PDGFD: variants seen among roughly 807,000 people sequenced by gnomAD.
PDGFD encodes platelet-derived growth factor D.
Under a neutral mutation model 44.7 loss-of-function variants are expected in PDGFD, and 30 were observed. The ratio of observed to expected loss-of-function variants is 0.67; its 90% CI spans 0.50 to 0.91. The LOEUF (loss-of-function observed/expected upper bound fraction) is 0.91. Among genes scored for constraint, PDGFD ranks in the 40% least tolerant of loss-of-function variants. PDGFD has a pLI of 0.00. For synonymous variants in PDGFD, 173 were observed against 168.4 expected (o/e 1.03, Z -0.21); for missense variants, 445 against 457.8 (o/e 0.97, Z 0.25).
intron 5 of PDGFD, among the ~76,000 whole-genome samples, chr11:103,940,681 G>A (rs577117554): frequency 1.9e-4 from 29 of 152,198 alleles, no homozygotes; most frequent in African/African-American, 7.0e-4. Flanking sequence ...TGTGATACAT[G>A]CAGGTGATTC....
chr11:104,111,198 A>G (rs1420497324), intron 1 of PDGFD, among the ~76,000 whole-genome samples: 7 of 151,938 alleles, frequency 4.6e-5, no homozygotes, highest in South Asian at 2.1e-4. Flanking sequence ...AGAAACTAAA[A>G]TCTACACCTG....
rs576325264 is a variant in PDGFD, at chr11:104,024,164, G to A, written c.125-23909C>T. ...AATGTATAACTTGGCATTGAGTATC[G>A]AAAATAAGTTTTTATCTCGGGTTAT... On this transcript the variant is annotated intron_variant, in intron 1 of 6. Coordinates refer to ENST00000393158, the MANE Select transcript of PDGFD (RefSeq NM_025208.5). Among the ~76,000 whole-genome samples, 9 of 151,986 alleles carry A rather than the reference G, an allele frequency of 5.9e-5. No homozygotes were observed. The East Asian group carries it at 7.7e-4, about 13-fold the overall frequency.
At chr11:104,061,899 T>C (rs1163452785) in intron 1 of PDGFD, among the ~76,000 whole-genome samples, 1 of 152,244 alleles carries the variant, frequency 6.6e-6, no homozygotes, top group Non-Finnish European at 1.5e-5. Flanking sequence ...TGAGCCACCA[T>C]GCCTGGCCGT....
At chr11:104,108,567 A>G (rs1414121642) in intron 1 of PDGFD, among the ~76,000 whole-genome samples, 1 of 152,168 alleles carries the variant, frequency 6.6e-6, no homozygotes, top group African/African-American at 2.4e-5. Context: ...GCTGGAGAGG[A>G]TGTGGAGAAA....
rs945063695 is a variant in PDGFD, at chr11:103,943,555, C to A, written c.669G>T (p.Leu223=). ...KIAEFDTVED[L]LKYFNPESWQ... ...ATGACTCTGGATTGAAGTACTTGAG[C>A]AGATCTTCCACTGTATCAAATTCTG... is the stretch of plus-strand genomic sequence containing the variant. Residue 223 remains leucine (L), a synonymous_variant, in exon 5 of 7, where the codon CTG becomes CTT. Coordinates refer to ENST00000393158, the MANE Select transcript of PDGFD (RefSeq NM_025208.5). The A allele has an allele frequency of 9.9e-6, 16 of 1,613,174 alleles. No homozygotes were observed. Among genetic ancestry groups the A allele is most frequent in the African/African-American group, 2.7e-5 (2 of 74,886 alleles).
At chr11:104,022,692 A>G (rs1430049908) in intron 1 of PDGFD, among the ~76,000 whole-genome samples, 1 of 151,900 alleles carries the variant, frequency 6.6e-6, no homozygotes, top group African/African-American at 2.4e-5. Context: ...AATATTTAGA[A>G]AATATTATAT....
intron 1 of PDGFD, among the ~76,000 whole-genome samples, chr11:104,028,650 T>C (rs1243228368): frequency 6.7e-6 from 1 of 149,912 alleles, no homozygotes; most frequent in Non-Finnish European, 1.5e-5. Flanking sequence ...CTGGGTTTCT[T>C]GTCTCTTAAC....
intron 1 of PDGFD, among the ~76,000 whole-genome samples, chr11:104,034,532 C>G (rs574883052): frequency 1.1e-4 from 16 of 152,218 alleles, no homozygotes; most frequent in East Asian, 7.7e-4. Context: ...TTCTAACAAC[C>G]CTTCAAAGAA....
intron 1 of PDGFD, among the ~76,000 whole-genome samples, chr11:104,110,974 G>C (rs1861546477): frequency 1.3e-5 from 2 of 152,086 alleles, no homozygotes; most frequent in South Asian, 4.1e-4. Context: ...AGTGCAAACA[G>C]TTTCAATTCT....
intron 1 of PDGFD, among the ~76,000 whole-genome samples, chr11:104,162,215 T>C (rs994561913): frequency 2.0e-5 from 3 of 151,798 alleles, no homozygotes; most frequent in Non-Finnish European, 4.4e-5. Context: ...TAATGGGCAA[T>C]GGTTACATGC....
intron 1 of PDGFD, among the ~76,000 whole-genome samples, chr11:104,015,988 T>C (rs1859854034): frequency 2.0e-5 from 3 of 152,174 alleles, no homozygotes; most frequent in Non-Finnish European, 2.9e-5. Context: ...TTTTAAATAG[T>C]AGTAAGCTCT....
chr11:103,920,840 T>G (rs935190266), intron 6 of PDGFD, among the ~76,000 whole-genome samples: 2 of 152,242 alleles, frequency 1.3e-5, no homozygotes, highest in African/African-American at 4.8e-5. Flanking sequence ...GGATCATATC[T>G]TTATTCTTTT....
At chr11:104,049,150 A>G (rs111696196) in intron 1 of PDGFD, among the ~76,000 whole-genome samples, 3,623 of 152,268 alleles carry the variant, frequency 0.024, 138 homozygotes, top group African/African-American at 0.083. Flanking sequence ...TCAGGGACAG[A>G]TATCTTCTAT....
At chr11:104,137,883 C>T (rs949733462) in intron 1 of PDGFD, among the ~76,000 whole-genome samples, 6 of 152,116 alleles carry the variant, frequency 3.9e-5, no homozygotes, top group African/African-American at 1.4e-4. Context: ...TGCTGACAGG[C>T]ACCTGGTACC....
chr11:103,926,644 AT>A (rs1210843114), intron 6 of PDGFD, among the ~76,000 whole-genome samples: 1 of 152,194 alleles, frequency 6.6e-6, no homozygotes, highest in Non-Finnish European at 1.5e-5. Context: ...TGTATCACAT[AT>A]TTGATTATAT....
intron 3 of PDGFD, among the ~76,000 whole-genome samples, chr11:103,959,905 T>C (rs1159757776): frequency 6.6e-6 from 1 of 152,196 alleles, no homozygotes; most frequent in Non-Finnish European, 1.5e-5. Flanking sequence ...TGAGAGATCC[T>C]GCAATTTAAT....
chr11:104,156,081 G>A (rs1324147539), intron 1 of PDGFD, among the ~76,000 whole-genome samples: 1 of 152,176 alleles, frequency 6.6e-6, no homozygotes, highest in African/African-American at 2.4e-5. Flanking sequence ...AGGTAAGTAT[G>A]TGAGGTAATG....
chr11:104,149,852 T>A (rs1222713412), intron 1 of PDGFD, among the ~76,000 whole-genome samples: 1 of 152,130 alleles, frequency 6.6e-6, no homozygotes, highest in African/African-American at 2.4e-5. Context: ...ATTGATTTTT[T>A]TTTTCTCATC....
intron 3 of PDGFD, among the ~76,000 whole-genome samples, chr11:103,986,541 T>C (rs1228057868): frequency 6.6e-6 from 1 of 152,168 alleles, no homozygotes; most frequent in African/African-American, 2.4e-5. Flanking sequence ...GAAAGCGCCT[T>C]TGCAAAGATT....
Sources: gnomAD v4.1 joint callset for allele counts (sites outside exome capture counted in the v4.1 genomes callset) on GRCh38, gnomAD v4.1.1 for gene constraint, MANE v1.5 for transcripts, NCBI Gene and HGNC (gene_info 2026-07-23, HGNC 2026-07-21) for gene names.